Variants in CLOCK observed in about 807,000 individuals in gnomAD.
CLOCK encodes circadian locomoter output cycles protein kaput.
CLOCK carries 43 observed loss-of-function variants against 118.4 expected under a neutral mutation model. The observed-to-expected ratio is 0.36, with a 90% CI of 0.28 to 0.47. CLOCK has a LOEUF of 0.47. Ranked by LOEUF, CLOCK falls within the 20% of genes least tolerant of loss-of-function variation. The probability of loss-of-function intolerance (pLI) is 1.00; values close to 1 mark genes in which losing one functional copy is unlikely to be tolerated. For missense variants in CLOCK, 846 were observed against 999.9 expected, an observed-to-expected ratio of 0.85 and a Z score of 2.08; for synonymous variants, 326 against 339.2, an observed-to-expected ratio of 0.96 and a Z score of 0.43.
intron 3 of CLOCK, among the ~76,000 whole-genome samples, chr4:55,487,401 G>C (rs780838810): frequency 1.5e-4 from 23 of 152,038 alleles, no homozygotes; most frequent in Non-Finnish European, 2.2e-4. Flanking sequence ...ATTTCTTTGG[G>C]GAATTCTCAA....
chr4:55,520,354 T>G (rs185234364), intron 1 of CLOCK, among the ~76,000 whole-genome samples: 1 of 152,300 alleles, frequency 6.6e-6, no homozygotes, highest in Non-Finnish European at 1.5e-5. Flanking sequence ...AGCTTTAGAA[T>G]TACAATGCCA....
Position 55,447,685 on chromosome 4 carries a change from G to A in CLOCK, c.1539+1094C>T, listed in dbSNP as rs187169642. On this transcript the variant is annotated intron_variant, in intron 18 of 22. Transcript: ENST00000513440. ...GTTAAGAAATGCTTTAGAATCCTGA[G>A]ATTAAAAAACTAATAATATAGAAAG... 4.2e-3 allele frequency among the ~76,000 whole-genome samples: 645 copies of A among 152,150 alleles called. 3 individuals carry two copies. Among genetic ancestry groups the A allele is most frequent in the African/African-American group, 0.014 (600 of 41,502 alleles).
chr4:55,481,850 G>A (rs1726954103), intron 4 of CLOCK, among the ~76,000 whole-genome samples: 1 of 152,130 alleles, frequency 6.6e-6, no homozygotes, highest in African/African-American at 2.4e-5. Flanking sequence ...CTGACCTACA[G>A]TTTTCTCATT....
At chr4:55,526,894 C>G (rs1730231106) in intron 1 of CLOCK, among the ~76,000 whole-genome samples, 1 of 145,506 alleles carries the variant, frequency 6.9e-6, no homozygotes. Flanking sequence ...TTGCAGTGAG[C>G]CGAGATCACA....
At chr4:55,522,816 C>T (rs541175495) in intron 1 of CLOCK, among the ~76,000 whole-genome samples, 132 of 152,228 alleles carry the variant, frequency 8.7e-4, no homozygotes, top group African/African-American at 3.1e-3. Context: ...CACTCATTTA[C>T]TTCTGAACCA....
At chr4:55,491,739 T>C (rs986347386) in intron 2 of CLOCK, among the ~76,000 whole-genome samples, 1 of 152,112 alleles carries the variant, frequency 6.6e-6, no homozygotes, top group Admixed American at 6.5e-5. Context: ...GTGGTATTCA[T>C]ATAATGGAAT....
rs1722484366 is a variant in CLOCK at position 55,431,285 on chromosome 4, C to G, written c.*4130G>C. On this transcript the variant is annotated 3_prime_UTR_variant, in exon 23 of 23. Transcript: ENST00000513440. ...AGGCACATTACCCATGCGGATGAGG[C>G]TATACTAGTGCTATGGCAAAAGGGG... 2.0e-5 allele frequency: 3 copies of G among 152,060 alleles called. No homozygotes were observed. Among genetic ancestry groups the G allele is most frequent in the African/African-American group, 7.2e-5 (3 of 41,398 alleles). The allele number at this position is 152,060 out of a possible 1,614,324, so 9.4% of individuals were successfully genotyped here.
At chr4:55,446,329 T>TGC (rs1158418707) in intron 18 of CLOCK, among the ~76,000 whole-genome samples, 2 of 151,984 alleles carry the variant, frequency 1.3e-5, no homozygotes, top group African/African-American at 4.8e-5. Context: ...GCTCAGGCAA[T>TGC]CCTCCCACAA....
At chr4:55,543,694 C>T (rs930037871) in intron 1 of CLOCK, among the ~76,000 whole-genome samples, 6 of 151,884 alleles carry the variant, frequency 4.0e-5, no homozygotes, top group Admixed American at 3.9e-4. Flanking sequence ...AGGAGAATCT[C>T]TTGAACCTGG....
chr4:55,442,345 TA>T (rs1007365228), intron 21 of CLOCK, 86 bp downstream of exon 21: 55 of 1,197,732 alleles, frequency 4.6e-5, no homozygotes, highest in Middle Eastern at 2.3e-4. Flanking sequence ...AAAATCACAT[TA>T]AAAAATTTGA....
intron 4 of CLOCK, 92 bp from the exon 5 acceptor site, chr4:55,479,791 G>T: frequency 1.0e-6 from 1 of 990,586 alleles, no homozygotes; most frequent in South Asian, 1.3e-5. Context: ...TATGCCCTAT[G>T]ATTTTTGTAA....
At chr4:55,451,190 G>A (rs1724416648) in intron 15 of CLOCK, among the ~76,000 whole-genome samples, 1 of 151,946 alleles carries the variant, frequency 6.6e-6, no homozygotes, top group African/African-American at 2.4e-5. Flanking sequence ...CTCTAATCAT[G>A]CTTTCACCCA....
At chr4:55,511,082 C>T (rs1729117997) in intron 1 of CLOCK, among the ~76,000 whole-genome samples, 2 of 152,294 alleles carry the variant, frequency 1.3e-5, no homozygotes, top group South Asian at 4.1e-4. Context: ...AATAGCTGAC[C>T]TTGCCATGGA....
intron 8 of CLOCK, among the ~76,000 whole-genome samples, chr4:55,470,095 C>G (rs768830300): frequency 4.6e-5 from 7 of 152,032 alleles, no homozygotes; most frequent in Non-Finnish European, 1.0e-4. Flanking sequence ...TATAAAGTAG[C>G]CTAAGTGTAC....
At chr4:55,488,616 T>G (rs187288032) in intron 3 of CLOCK, among the ~76,000 whole-genome samples, 14 of 152,284 alleles carry the variant, frequency 9.2e-5, no homozygotes, top group African/African-American at 2.4e-4. Flanking sequence ...AAAGCTCTTC[T>G]CTCAGATCTT....
intron 2 of CLOCK, among the ~76,000 whole-genome samples, chr4:55,502,660 TA>T (rs1244536924): frequency 2.0e-5 from 3 of 152,114 alleles, no homozygotes; most frequent in African/African-American, 4.8e-5. Flanking sequence ...GCGTTAACCA[TA>T]AAAAAATTTG....
chr4:55,453,720 T>TGG lies in CLOCK; in HGVS notation c.1086_1087insCC (p.Asn363ProfsTer14). On this transcript the variant is annotated frameshift_variant, in exon 14 of 23. Transcript: ENST00000513440. LOFTEE classifies it high-confidence loss of function. Reference sequence around the variant, plus strand: ...CAAACAATAAACTCTGGCCTTGAATTCCACTGATGGTAAGTGATATAATAA... The same window carrying TGG: ...CAAACAATAAACTCTGGCCTTGAATTGGCCACTGATGGTAAGTGATATAATAA... The TGG allele has an allele frequency of 6.2e-7, 1 of 1,611,094 alleles. No individual in the cohort carries two copies. Among genetic ancestry groups the TGG allele is most frequent in the Non-Finnish European group, 8.5e-7 (1 of 1,178,010 alleles).
intron 1 of CLOCK, among the ~76,000 whole-genome samples, chr4:55,512,400 T>C (rs1370966803): frequency 6.6e-6 from 1 of 152,158 alleles, no homozygotes; most frequent in Non-Finnish European, 1.5e-5. Flanking sequence ...TATCTGTCAG[T>C]GTACCTGGCC....
chr4:55,475,873 A>G (rs2109878465), intron 7 of CLOCK, 90 bp downstream of exon 7: 2 of 829,966 alleles, frequency 2.4e-6, no homozygotes, highest in East Asian at 5.2e-5. Context: ...CTCAACTCGC[A>G]ATATCGCCAA....
Sources: allele counts gnomAD v4.1 joint callset (sites outside exome capture counted in the v4.1 genomes callset), GRCh38; gene constraint gnomAD v4.1.1; transcripts MANE v1.5; gene names NCBI Gene and HGNC (gene_info 2026-07-23, HGNC 2026-07-21).